THSD7B: variants seen among roughly 807,000 people sequenced by gnomAD.
THSD7B encodes the protein thrombospondin type 1 domain containing 7B.
A neutral mutation model predicts 213.6 loss-of-function variants in THSD7B; 138 were observed. The ratio of observed to expected loss-of-function variants is 0.65; its 90% confidence interval spans 0.56 to 0.74. The LOEUF (loss-of-function observed/expected upper bound fraction) is 0.74, where lower values mean the gene tolerates loss of function less well. Among genes scored for constraint, THSD7B ranks in the 30% least tolerant of loss-of-function variants. The pLI, the probability that THSD7B is intolerant of heterozygous loss-of-function variation, is 0.00. For missense variants in THSD7B, 1,931 were observed against 1,991.5 expected (o/e 0.97, Z 0.58); for synonymous variants, 742 against 687.0 (o/e 1.08, Z -1.25).
intron 12 of THSD7B, among the ~76,000 whole-genome samples, chr2:137,329,011 A>G (rs1684432722): frequency 6.6e-6 from 1 of 152,180 alleles, no homozygotes; most frequent in Non-Finnish European, 1.5e-5. Context: ...GTAAATTGGT[A>G]CCACAAAGAC....
chr2:137,363,128 GA>G (rs1685308990), intron 12 of THSD7B, among the ~76,000 whole-genome samples: 1 of 152,194 alleles, frequency 6.6e-6, no homozygotes, highest in Admixed American at 6.5e-5. Flanking sequence ...ACCTGCTCCT[GA>G]ATGACTACTG....
intron 14 of THSD7B, among the ~76,000 whole-genome samples, chr2:137,449,839 A>G (rs1418069680): frequency 3.3e-5 from 5 of 152,162 alleles, no homozygotes; most frequent in African/African-American, 7.2e-5. Flanking sequence ...CTGATGTGGC[A>G]TATTAATCAT....
intron 17 of THSD7B, among the ~76,000 whole-genome samples, chr2:137,586,879 G>C (rs1398927161): frequency 2.6e-5 from 4 of 152,104 alleles, no homozygotes. Context: ...TTGAATGTTG[G>C]CCTGCCTTGC....
At chr2:136,928,986 T>C (rs190610333) in intron 2 of THSD7B, among the ~76,000 whole-genome samples, 11 of 152,280 alleles carry the variant, frequency 7.2e-5, no homozygotes, top group Admixed American at 2.6e-4. Context: ...AGAAATGAAA[T>C]TTGAAGATGA....
chr2:137,552,362 C>T (rs1014717335), intron 15 of THSD7B, among the ~76,000 whole-genome samples: 3 of 152,172 alleles, frequency 2.0e-5, no homozygotes, highest in East Asian at 3.9e-4. Context: ...CCTGAACAAA[C>T]TAAATGGGCA....
At chr2:137,390,989 GGT>G (rs571619022) in intron 12 of THSD7B, among the ~76,000 whole-genome samples, 4 of 150,614 alleles carry the variant, frequency 2.7e-5, no homozygotes, top group East Asian at 2.0e-4. Context: ...TGTGGTATGG[GGT>G]GTGTGTGTGT....
At chr2:136,856,365 C>A (rs13002862) in intron 1 of THSD7B, among the ~76,000 whole-genome samples, 21,070 of 152,166 alleles carry the variant, frequency 0.14, 2,174 homozygotes, top group Non-Finnish European at 0.22. Context: ...TGTTATGTTT[C>A]ATCAAAAGGG....
chr2:137,289,676 A>G (rs1453555004), intron 12 of THSD7B, among the ~76,000 whole-genome samples: 1 of 152,130 alleles, frequency 6.6e-6, no homozygotes, highest in Non-Finnish European at 1.5e-5. Context: ...CTAACAGCAA[A>G]CAGATATTGA....
At chr2:137,380,839 A>C (rs913776213) in intron 12 of THSD7B, among the ~76,000 whole-genome samples, 1 of 152,252 alleles carries the variant, frequency 6.6e-6, no homozygotes, top group Non-Finnish European at 1.5e-5. Context: ...CATGAGGTGC[A>C]TTAGGTGATC....
intron 12 of THSD7B, among the ~76,000 whole-genome samples, chr2:137,349,697 G>A (rs1368049815): frequency 6.6e-6 from 1 of 151,670 alleles, no homozygotes; most frequent in African/African-American, 2.4e-5. Flanking sequence ...GAATACCTAG[G>A]TAGTTACTTG....
intron 17 of THSD7B, among the ~76,000 whole-genome samples, chr2:137,603,437 T>C (rs1206813959): frequency 6.6e-6 from 1 of 152,204 alleles, no homozygotes; most frequent in East Asian, 1.9e-4. Context: ...CTTTGTAGGA[T>C]GGTTTTGACA....
At chr2:137,345,346 C>T (rs189058187) in intron 12 of THSD7B, among the ~76,000 whole-genome samples, 1 of 151,706 alleles carries the variant, frequency 6.6e-6, no homozygotes, top group Admixed American at 6.6e-5. Context: ...AAAATAATTG[C>T]ATAGTACCTT....
intron 4 of THSD7B, among the ~76,000 whole-genome samples, chr2:137,107,070 T>G (rs1298850186): frequency 1.3e-5 from 2 of 152,212 alleles, no homozygotes; most frequent in Admixed American, 1.3e-4. Context: ...TAAATCATTC[T>G]ACTATAAAGG....
intron 20 of THSD7B, among the ~76,000 whole-genome samples, chr2:137,636,124 C>G (rs1020253428): frequency 3.9e-5 from 6 of 152,154 alleles, no homozygotes; most frequent in Non-Finnish European, 7.4e-5. Context: ...CCATAGACAG[C>G]CAAGCCCCTC....
intron 4 of THSD7B, among the ~76,000 whole-genome samples, chr2:137,101,346 T>C (rs1223994538): frequency 2.6e-5 from 4 of 152,188 alleles, no homozygotes; most frequent in Non-Finnish European, 4.4e-5. Context: ...CGGCCTTCCA[T>C]TGATTTTCTA....
chr2:137,651,788 T>G (rs1683146004), intron 21 of THSD7B, among the ~76,000 whole-genome samples: 1 of 152,068 alleles, frequency 6.6e-6, no homozygotes, highest in Non-Finnish European at 1.5e-5. Context: ...ATTTTTACAT[T>G]TTCTTAATTT....
chr2:136,794,772 C>T (rs1157195997), intron 1 of THSD7B, among the ~76,000 whole-genome samples: 8 of 151,932 alleles, frequency 5.3e-5, no homozygotes, highest in Admixed American at 4.6e-4. Context: ...TCTTTCAGTT[C>T]TTGAGAGAAG....
In THSD7B at chr2:137,662,579, T is replaced by C. The variant is rs1446221; in HGVS notation, c.4459-804T>C. Among the ~76,000 whole-genome samples the C allele has an allele frequency of 2.6e-5, 4 of 152,104 alleles. No individual in the cohort carries two copies. In the East Asian group the frequency reaches 5.8e-4, roughly 22 times the overall value. ...ACATTTAGTGGTCAATGGTAAAAGG[T>C]GATGGAGGGATTTCGCGGCTGTGAT... is the stretch of plus-strand genomic sequence containing the variant. On this transcript the variant is annotated intron_variant, in intron 25 of 27. Coordinates refer to ENST00000409968, the MANE Select transcript of THSD7B (RefSeq NM_001316349.2).
intron 12 of THSD7B, among the ~76,000 whole-genome samples, chr2:137,394,438 T>C (rs1686121006): frequency 7.2e-6 from 1 of 138,964 alleles, no homozygotes; most frequent in Admixed American, 7.1e-5. Context: ...CCATTGCTTG[T>C]TTTTCTCAGG....
Sources: gnomAD v4.1 joint callset for allele counts (sites outside exome capture counted in the v4.1 genomes callset) on GRCh38, gnomAD v4.1.1 for gene constraint, MANE v1.5 for transcripts, NCBI Gene and HGNC (gene_info 2026-07-23, HGNC 2026-07-21) for gene names.